Variants in ARSG observed in about 807,000 individuals in gnomAD.
ARSG encodes arylsulfatase G.
Under a neutral mutation model 50.5 loss-of-function variants are expected in ARSG, and 37 were observed. That is an observed-to-expected ratio of 0.73 (90% CI 0.56 to 0.96). ARSG has a LOEUF of 0.96. Among genes scored for constraint, ARSG ranks in the 50% least tolerant of loss-of-function variants. The pLI, the probability that ARSG is intolerant of heterozygous loss-of-function variation, is 0.00. For missense variants in ARSG, 629 were observed against 675.3 expected (o/e 0.93, Z 0.76); for synonymous variants, 225 against 254.6 (o/e 0.88, Z 1.11).
In ARSG at chr17:68,366,677, A is replaced by ATGTGTGTG. The variant is rs3072873; in HGVS notation, c.705-1849_705-1842dup. Among the ~76,000 whole-genome samples the ATGTGTGTG allele has an allele frequency of 5.3e-3, 782 of 148,350 alleles. 5 individuals are homozygous for ATGTGTGTG. The highest frequency in any genetic ancestry group is 0.012 in the African/African-American group (478 of 40,214). ...TTGAAATGTGGCTAGGAATTTATGT[A>ATGTGTGTG]TGTGTGTGTGTGTGTGTGTGTGTGT... On this transcript the variant is annotated intron_variant, in intron 6 of 11. Transcript: ENST00000621439.
intron 1 of ARSG, among the ~76,000 whole-genome samples, chr17:68,285,117 G>A (rs979902408): frequency 9.9e-5 from 15 of 152,176 alleles, no homozygotes; most frequent in African/African-American, 3.4e-4. Flanking sequence ...CATCTGAAAT[G>A]CATCCTATGT....
At chr17:68,357,655 G>A (rs12449401) in intron 6 of ARSG, among the ~76,000 whole-genome samples, 4,383 of 152,210 alleles carry the variant, frequency 0.029, 203 homozygotes, top group Admixed American at 0.1. Flanking sequence ...ACAAATTCCC[G>A]CATCTAGAAG....
chr17:68,395,057 C>T lies in ARSG; in HGVS notation c.1092-16C>T, dbSNP rs953657428. 6.2e-7 allele frequency: 1 copy of T among 1,613,292 alleles called. No homozygotes were observed. Among genetic ancestry groups the T allele is most frequent in the African/African-American group, 1.3e-5 (1 of 74,910 alleles). ...TCAGAAGAGCTGGGGACAACTCAGT[C>T]TTGTTATTTCCGCAGCGTGCTGGAC... On this transcript the variant is annotated splice_polypyrimidine_tract_variant and intron_variant, in intron 9 of 11. Coordinates refer to ENST00000621439, the MANE Select transcript of ARSG (RefSeq NM_001267727.2).
chr17:68,303,405 A>G (rs1568439794), intron 1 of ARSG, among the ~76,000 whole-genome samples: 1 of 152,128 alleles, frequency 6.6e-6, no homozygotes, highest in East Asian at 1.9e-4. Context: ...GATTACAGGC[A>G]TGAGCCACTG....
intron 2 of ARSG, among the ~76,000 whole-genome samples, chr17:68,318,401 C>T (rs530611072): frequency 2.0e-5 from 3 of 152,316 alleles, no homozygotes; most frequent in African/African-American, 7.2e-5. Flanking sequence ...AATTCTCAGG[C>T]TGGGAAGTGC....
chr17:68,328,929 A>T (rs1160054523), intron 2 of ARSG, among the ~76,000 whole-genome samples: 1 of 152,044 alleles, frequency 6.6e-6, no homozygotes, highest in Non-Finnish European at 1.5e-5. Flanking sequence ...CTGGAATTAC[A>T]CCCCAGGGCA....
At chr17:68,450,344 C>G in the ARSG span, among the ~76,000 whole-genome samples, 1 of 152,198 alleles carries the variant, frequency 6.6e-6, no homozygotes, top group Admixed American at 6.5e-5. Flanking sequence ...CCAACATCTG[C>G]AATGAATGAC....
chr17:68,438,283 G>C, the ARSG span, among the ~76,000 whole-genome samples: 1 of 152,116 alleles, frequency 6.6e-6, no homozygotes, highest in Non-Finnish European at 1.5e-5. Flanking sequence ...GGTCATTCCT[G>C]GCCCCAGCCT....
intron 8 of ARSG, among the ~76,000 whole-genome samples, chr17:68,373,924 G>A (rs1357606249): frequency 5.3e-5 from 8 of 151,878 alleles, no homozygotes; most frequent in South Asian, 2.1e-4. Flanking sequence ...TTGGGAGGCC[G>A]AGGCGGGCGG....
downstream of ARSG, chr17:68,426,131 C>T: frequency 6.2e-7 from 1 of 1,612,216 alleles, no homozygotes; most frequent in Non-Finnish European, 8.5e-7. Context: ...AACTCATGTT[C>T]AGGAATAACT....
intron 11 of ARSG, among the ~76,000 whole-genome samples, chr17:68,408,156 G>A (rs2081821500): frequency 6.6e-6 from 1 of 151,396 alleles, no homozygotes; most frequent in Non-Finnish European, 1.5e-5. Context: ...TAAGTTTTAG[G>A]GTACATGCGC....
At chr17:68,314,286 G>A (rs549564548) in intron 2 of ARSG, among the ~76,000 whole-genome samples, 58 of 152,086 alleles carry the variant, frequency 3.8e-4, no homozygotes, top group Middle Eastern at 3.4e-3. Context: ...CAGCACTTTG[G>A]GAGGCCGAGG....
At chr17:68,424,045 T>C (rs2082981627), downstream of ARSG, among the ~76,000 whole-genome samples, 1 of 152,138 alleles carries the variant, frequency 6.6e-6, no homozygotes, top group Non-Finnish European at 1.5e-5. Context: ...AGCCTCGACT[T>C]CAGGTAAATA....
At position 68,394,544 on chromosome 17, in the gene ARSG, G is replaced by A. The variant is rs114699001; in HGVS notation, c.1092-529G>A. ...CCCAGCTACTCTTGGAGTCAGACGAGTATTACTTCAGCCCAGGAGTTCAAG... is the reference window on the plus strand; with the variant it reads ...CCCAGCTACTCTTGGAGTCAGACGAATATTACTTCAGCCCAGGAGTTCAAG... On this transcript the variant is annotated intron_variant, in intron 9 of 11. Coordinates refer to ENST00000621439, the MANE Select transcript of ARSG (RefSeq NM_001267727.2). Among the ~76,000 whole-genome samples the A allele has an allele frequency of 3.1e-3, 477 of 152,268 alleles. 3 individuals are homozygous for A. Among genetic ancestry groups the A allele is most frequent in the African/African-American group, 0.011 (448 of 41,550 alleles).
chr17:68,266,008 G>A (rs2075152113), intron 1 of ARSG, among the ~76,000 whole-genome samples: 1 of 152,154 alleles, frequency 6.6e-6, no homozygotes, highest in African/African-American at 2.4e-5. Flanking sequence ...CCCCTGGCAT[G>A]TAGAGTCTGT....
chr17:68,431,254 C>T, the ARSG span, among the ~76,000 whole-genome samples: 2 of 152,140 alleles, frequency 1.3e-5, no homozygotes, highest in South Asian at 2.1e-4. Context: ...AAGGGAGAGG[C>T]GGATGAGGTT....
downstream of ARSG, among the ~76,000 whole-genome samples, chr17:68,425,244 C>T (rs554504470): frequency 4.9e-4 from 75 of 152,234 alleles, no homozygotes; most frequent in Non-Finnish European, 1.6e-4. Flanking sequence ...CACTCTTTCA[C>T]CTAGGCTGGA....
chr17:68,365,036 G>A lies in ARSG; in HGVS notation c.705-3512G>A, dbSNP rs190409171. Among the ~76,000 whole-genome samples the A allele has an allele frequency of 6.6e-5, 10 of 152,310 alleles. No individual in the cohort carries two copies. In the East Asian group the frequency reaches 1.4e-3, roughly 21 times the overall value. ...ATTCTTAACAAGGAAGCGGTCGGGC[G>A]CAGTGGCTCATGCCTGTAACCCCAG... On this transcript the variant is annotated intron_variant, in intron 6 of 11. Coordinates refer to ENST00000621439, the MANE Select transcript of ARSG (RefSeq NM_001267727.2).
intron 11 of ARSG, among the ~76,000 whole-genome samples, chr17:68,403,562 T>C (rs984585493): frequency 3.3e-5 from 5 of 152,188 alleles, no homozygotes; most frequent in African/African-American, 9.7e-5. Flanking sequence ...GCTAGATGAA[T>C]TGACATCTAC....
Sources: gnomAD v4.1 joint callset for allele counts (sites outside exome capture counted in the v4.1 genomes callset) on GRCh38, gnomAD v4.1.1 for gene constraint, MANE v1.5 for transcripts, NCBI Gene and HGNC (gene_info 2026-07-23, HGNC 2026-07-21) for gene names.